CBLIF: variants seen among roughly 807,000 people sequenced by gnomAD.
CBLIF encodes cobalamin binding intrinsic factor, also known as gastric intrinsic factor (vitamin B synthesis).
Under a neutral mutation model 44.9 loss-of-function variants are expected in CBLIF, and 24 were observed. The ratio of observed to expected loss-of-function variants is 0.53; its 90% CI spans 0.39 to 0.75. The LOEUF is 0.75. Among genes scored for constraint, CBLIF ranks in the 30% least tolerant of loss-of-function variants. The probability of loss-of-function intolerance (pLI) is 0.00; values close to 1 mark genes in which losing one functional copy is unlikely to be tolerated. For missense variants in CBLIF, 481 were observed against 513.0 expected (o/e 0.94, Z 0.60); for synonymous variants, 183 against 190.9 (o/e 0.96, Z 0.34).
Position 59,833,977 on chromosome 11 carries a change from C to T in CBLIF, c.1073+1831G>A, listed in dbSNP as rs536267671. 1.9e-4 allele frequency among the ~76,000 whole-genome samples: 29 copies of T among 152,298 alleles called. 1 individual carries two copies. In the South Asian group the frequency reaches 5.8e-3, roughly 30 times the overall value. ...TCCAACCTGGGTTCCACTCTCAACT[C>T]TATTAGTTACATGTTATGTGATCTT... On this transcript the variant is annotated intron_variant, in intron 7 of 8. Coordinates refer to ENST00000257248, the MANE Select transcript of CBLIF (RefSeq NM_005142.3).
rs921086295 is a variant in CBLIF, at chr11:59,831,874, T to C, written c.1074-78A>G. 3 of 768,580 alleles carry C rather than the reference T, an allele frequency of 3.9e-6. No individual in the cohort carries two copies. The African/African-American group carries it at 5.2e-5, about 13-fold the overall frequency. 47.6% of individuals were successfully genotyped at this position (768,580 alleles called of 1,614,324 possible). ...CGGTAAGATGAAGGGATAGAGACAG[T>C]CAATTAATTAATTAGTTAATTAATT... On this transcript the variant is annotated intron_variant, in intron 7 of 8. Coordinates refer to ENST00000257248, the MANE Select transcript of CBLIF (RefSeq NM_005142.3).
chr11:59,844,129 A>G (rs1389390959), intron 1 of CBLIF, 74 bp from the exon 2 acceptor site: 1 of 1,192,280 alleles, frequency 8.4e-7, no homozygotes, highest in Non-Finnish European at 1.3e-6. Context: ...CGTGTCTTTG[A>G]TGCTTTTTCT....
intron 7 of CBLIF, among the ~76,000 whole-genome samples, chr11:59,833,333 A>T (rs1866396874): frequency 6.6e-6 from 1 of 152,130 alleles, no homozygotes; most frequent in African/African-American, 2.4e-5. Flanking sequence ...CCTGGCCAAC[A>T]TGCTGAAACC....
intron 7 of CBLIF, among the ~76,000 whole-genome samples, chr11:59,833,455 T>A (rs1440899783): frequency 1.3e-5 from 2 of 151,366 alleles, no homozygotes; most frequent in Non-Finnish European, 2.9e-5. Flanking sequence ...AGGTGGGGGT[T>A]GCAGTGAGCC....
At chr11:59,834,456 G>A (rs1336402943) in intron 7 of CBLIF, among the ~76,000 whole-genome samples, 1 of 141,310 alleles carries the variant, frequency 7.1e-6, no homozygotes, top group African/African-American at 2.6e-5. Flanking sequence ...CAGTGGGCAC[G>A]ATCTTGGCTC....
chr11:59,841,401 T>G, intron 4 of CBLIF, 77 bp from the exon 5 acceptor site: 1 of 986,162 alleles, frequency 1.0e-6, no homozygotes, highest in Non-Finnish European at 1.6e-6. Flanking sequence ...ATTGTGTGCT[T>G]ATTATATTCT....
intron 6 of CBLIF, 89 bp downstream of exon 6, chr11:59,837,085 A>C (rs1238003836): frequency 9.9e-7 from 1 of 1,006,274 alleles, no homozygotes; most frequent in Non-Finnish European, 1.6e-6. Flanking sequence ...AATGGACATT[A>C]CAAGCCTATA....
Position 59,829,351 on chromosome 11 carries a change from T to C in CBLIF, c.*133A>G. ...AACTTTGCATTTTTATTCTACATAG[T>C]GGTTCTCCATGTTTTTACCAGGAAT... On this transcript the variant is annotated 3_prime_UTR_variant, in exon 9 of 9. Transcript: ENST00000257248. 1 of 694,546 alleles carries C rather than the reference T, an allele frequency of 1.4e-6. No homozygotes were observed. The highest frequency in any genetic ancestry group is 2.7e-6 in the Non-Finnish European group (1 of 371,744). 43.0% of individuals were successfully genotyped at this position (694,546 alleles called of 1,614,324 possible). A position where few individuals can be genotyped will look rare whatever the true frequency, so the allele number is the denominator to read the frequency against.
intron 4 of CBLIF, 72 bp from the exon 5 acceptor site, chr11:59,841,396 G>T: frequency 9.6e-7 from 1 of 1,036,990 alleles, no homozygotes; most frequent in South Asian, 1.3e-5. Context: ...CATTTATTGT[G>T]TGCTTATTAT....
At chr11:59,841,913 T>C (rs1866535066) in intron 4 of CBLIF, among the ~76,000 whole-genome samples, 1 of 152,072 alleles carries the variant, frequency 6.6e-6, no homozygotes, top group Non-Finnish European at 1.5e-5. Flanking sequence ...GGGAAAAGCT[T>C]CTATTCACAA....
intron 8 of CBLIF, chr11:59,831,468 C>T (rs1251816063): frequency 2.4e-5 from 5 of 208,338 alleles, no homozygotes; most frequent in African/African-American, 1.2e-4. Context: ...ATCTCTTTCT[C>T]TATGTAATGA....
chr11:59,839,388 TA>T (rs1451609525), intron 5 of CBLIF, among the ~76,000 whole-genome samples: 4 of 152,222 alleles, frequency 2.6e-5, no homozygotes, highest in East Asian at 1.9e-4. Context: ...GAACAATTGT[TA>T]AGCATTACAT....
intron 1 of CBLIF, among the ~76,000 whole-genome samples, chr11:59,844,641 C>T (rs1432779017): frequency 1.3e-5 from 2 of 152,210 alleles, no homozygotes; most frequent in East Asian, 1.9e-4. Flanking sequence ...GTTTCTATCA[C>T]TTTCCTGGAA....
At chr11:59,831,885 ATTAG>A in intron 7 of CBLIF, 89 bp from the exon 8 acceptor site, 2 of 742,242 alleles carry the variant, frequency 2.7e-6, no homozygotes, top group Admixed American at 1.8e-5. Context: ...CAATTAATTA[ATTAG>A]TTAATTAATT....
Position 59,829,409 on chromosome 11 carries a change from T to G in CBLIF, c.*75A>C, listed in dbSNP as rs944656554. On this transcript the variant is annotated 3_prime_UTR_variant, in exon 9 of 9. Transcript: ENST00000257248. ...CATCACAGGCATTCGCTTTTTTGCATAGATTTAAAATGAAGTGGAAAAAAT... is the reference window on the plus strand; with the variant it reads ...CATCACAGGCATTCGCTTTTTTGCAGAGATTTAAAATGAAGTGGAAAAAAT... The G allele has an allele frequency of 1.8e-5, 17 of 920,514 alleles. No homozygotes were observed. In the South Asian group the frequency reaches 2.1e-4, roughly 11 times the overall value. The allele number at this position is 920,514 out of a possible 1,614,324, so 57.0% of individuals were successfully genotyped here. A position where few individuals can be genotyped will look rare whatever the true frequency, so the allele number is the denominator to read the frequency against.
chr11:59,832,077 A>G (rs1866382029), intron 7 of CBLIF, among the ~76,000 whole-genome samples: 3 of 152,204 alleles, frequency 2.0e-5, no homozygotes, highest in South Asian at 4.1e-4. Context: ...TTTATCTGAT[A>G]AAATGATCAG....
In CBLIF at chr11:59,844,044, C is replaced by T; in HGVS notation, c.91G>A (p.Ala31Thr). ...QTQSSCSVPSAQEPLVNGIQV... is the reference protein window; with the variant it reads ...QTQSSCSVPSTQEPLVNGIQV... ...ATTCCATTGACCAAGGGCTCCTGTG[C>T]TGAGGGAACGGCTGAGAAGAGGAAA... The change falls in exon 2 of 9, where the codon GCA (alanine) becomes ACA (threonine). Residue 31 changes from alanine to threonine, a missense_variant. By Grantham distance (58) the Ala-to-Thr change is moderately conservative. Coordinates refer to ENST00000257248, the MANE Select transcript of CBLIF (RefSeq NM_005142.3). The T allele has an allele frequency of 6.2e-7, 1 of 1,613,516 alleles. No homozygotes were observed. The highest frequency in any genetic ancestry group is 8.5e-7 in the Non-Finnish European group (1 of 1,179,436).
intron 4 of CBLIF, among the ~76,000 whole-genome samples, chr11:59,841,744 T>A (rs1180630504): frequency 6.6e-6 from 1 of 152,078 alleles, no homozygotes; most frequent in Non-Finnish European, 1.5e-5. Context: ...AGGTTGCTGA[T>A]GGGGCATGCA....
In CBLIF at chr11:59,831,396, T is replaced by C. The variant is rs138329296; in HGVS notation, c.1192+282A>G. The C allele has an allele frequency of 3.6e-3, 596 of 165,358 alleles. 6 individuals carry two copies. The highest frequency in any genetic ancestry group is 0.014 in the African/African-American group (569 of 41,954). 10.2% of individuals were successfully genotyped at this position (165,358 alleles called of 1,614,324 possible). On this transcript the variant is annotated intron_variant, in intron 8 of 8. Coordinates refer to ENST00000257248, the MANE Select transcript of CBLIF (RefSeq NM_005142.3). ...GATGCATGCCTTGTACAAGACCCTT[T>C]AATGTCTCTTAAGACTTACTTTCCT...
Sources: allele counts gnomAD v4.1 joint callset (sites outside exome capture counted in the v4.1 genomes callset), GRCh38; gene constraint gnomAD v4.1.1; transcripts MANE v1.5; gene names NCBI Gene and HGNC (gene_info 2026-07-23, HGNC 2026-07-21).